SIPA1L1: variants seen among roughly 807,000 people sequenced by gnomAD.
SIPA1L1 encodes signal induced proliferation associated 1 like 1, also known as signal-induced proliferation-associated 1-like protein 1.
A neutral mutation model predicts 162.7 loss-of-function variants in SIPA1L1; 26 were observed. The ratio of observed to expected loss-of-function variants is 0.16; its 90% CI spans 0.12 to 0.22. The LOEUF (loss-of-function observed/expected upper bound fraction) is 0.22, where lower values mean the gene tolerates loss of function less well. Among genes scored for constraint, SIPA1L1 ranks in the 10% least tolerant of loss-of-function variants. The pLI, the probability that SIPA1L1 is intolerant of heterozygous loss-of-function variation, is 1.00. For synonymous variants in SIPA1L1, 829 were observed against 837.4 expected (o/e 0.99, Z 0.17); for missense variants, 1,874 against 2,241.0 (o/e 0.84, Z 3.31).
intron 2 of SIPA1L1, among the ~76,000 whole-genome samples, chr14:71,402,385 G>A (rs1334040603): frequency 7.0e-6 from 1 of 143,672 alleles, no homozygotes; most frequent in Admixed American, 7.2e-5. Flanking sequence ...GTTTCTCTCT[G>A]TCTCCCAGGC....
chr14:71,344,386 C>T (rs192341466), intron 2 of SIPA1L1, among the ~76,000 whole-genome samples: 20 of 152,282 alleles, frequency 1.3e-4, no homozygotes, highest in Middle Eastern at 3.4e-3. Context: ...ATATAGCACC[C>T]TTCCCACAGT....
chr14:71,677,396 G>T (rs1040819751), intron 12 of SIPA1L1, among the ~76,000 whole-genome samples: 18 of 152,202 alleles, frequency 1.2e-4, no homozygotes, highest in African/African-American at 4.3e-4. Flanking sequence ...TGGGTAGATT[G>T]TAAAAATGTT....
chr14:71,613,524 G>C (rs1204107651), intron 5 of SIPA1L1, among the ~76,000 whole-genome samples: 1 of 152,156 alleles, frequency 6.6e-6, no homozygotes, highest in Non-Finnish European at 1.5e-5. Flanking sequence ...TTTAATACCT[G>C]TATTTCAGTT....
intron 22 of SIPA1L1, among the ~76,000 whole-genome samples, chr14:71,737,543 T>C (rs1304720419): frequency 6.6e-6 from 1 of 152,022 alleles, no homozygotes; most frequent in Admixed American, 6.6e-5. Flanking sequence ...GCCGTCTGTC[T>C]AGCTCGCTGG....
chr14:71,470,798 TC>T (rs1251284079), intron 2 of SIPA1L1, among the ~76,000 whole-genome samples: 1 of 152,132 alleles, frequency 6.6e-6, no homozygotes, highest in Admixed American at 6.6e-5. Flanking sequence ...ATGGAAAACT[TC>T]CCAGAGGACT....
At chr14:71,350,025 A>C (rs746112991) in intron 2 of SIPA1L1, among the ~76,000 whole-genome samples, 2 of 152,192 alleles carry the variant, frequency 1.3e-5, no homozygotes, top group Non-Finnish European at 2.9e-5. Context: ...GAGGGCAGGC[A>C]GGTGCTGAGG....
At chr14:71,554,354 G>A (rs905796078) in intron 4 of SIPA1L1, among the ~76,000 whole-genome samples, 13 of 128,742 alleles carry the variant, frequency 1.0e-4, no homozygotes, top group Admixed American at 3.1e-4. Flanking sequence ...CCTTAAAATC[G>A]TGCAACTTAA....
At chr14:71,738,882 C>G in intron 23 of SIPA1L1, 136 bp from the exon 24 acceptor site, 2 of 953,950 alleles carry the variant, frequency 2.1e-6, no homozygotes, top group Non-Finnish European at 3.1e-6. Flanking sequence ...GATACCAGTC[C>G]GTTTAGACAG....
At chr14:71,339,638 A>G (rs775658297) in intron 2 of SIPA1L1, among the ~76,000 whole-genome samples, 11 of 152,238 alleles carry the variant, frequency 7.2e-5, no homozygotes, top group Non-Finnish European at 1.6e-4. Context: ...TGCTGGGATT[A>G]TAGGCGTGAG....
At chr14:71,578,824 TTACCATCAC>T (rs2033500477) in intron 4 of SIPA1L1, among the ~76,000 whole-genome samples, 1 of 152,214 alleles carries the variant, frequency 6.6e-6, no homozygotes, top group Non-Finnish European at 1.5e-5. Context: ...GGGAGCACTT[TTACCATCAC>T]TAGTGGCACT....
At chr14:71,506,712 T>A (rs1567121204) in intron 2 of SIPA1L1, among the ~76,000 whole-genome samples, 2 of 152,180 alleles carry the variant, frequency 1.3e-5, no homozygotes, top group Non-Finnish European at 2.9e-5. Context: ...CTTTAATGTT[T>A]ATTTTTTTGA....
At chr14:71,476,567 AT>A (rs1009025793) in intron 2 of SIPA1L1, among the ~76,000 whole-genome samples, 29 of 152,120 alleles carry the variant, frequency 1.9e-4, no homozygotes, top group African/African-American at 6.8e-4. Context: ...GTCATAAAAT[AT>A]GTTTTTGTAA....
chr14:71,570,674 G>A (rs576510627), intron 4 of SIPA1L1, among the ~76,000 whole-genome samples: 13 of 152,024 alleles, frequency 8.6e-5, no homozygotes, highest in Non-Finnish European at 1.8e-4. Flanking sequence ...CAAAACAGAA[G>A]AAAAGTAAAT....
chr14:71,354,281 CTT>C (rs553737399), intron 2 of SIPA1L1, among the ~76,000 whole-genome samples: 30 of 137,636 alleles, frequency 2.2e-4, no homozygotes, highest in Admixed American at 2.2e-4. Context: ...TCATTTGTTT[CTT>C]TTTTTTTTTT....
intron 8 of SIPA1L1, among the ~76,000 whole-genome samples, chr14:71,655,164 CT>C (rs1044302864): frequency 1.3e-5 from 2 of 152,074 alleles, no homozygotes; most frequent in Non-Finnish European, 2.9e-5. Flanking sequence ...TTGTTTTCAT[CT>C]TTATGTTCAT....
At chr14:71,585,103 G>A (rs1021145347) in intron 4 of SIPA1L1, among the ~76,000 whole-genome samples, 1 of 138,210 alleles carries the variant, frequency 7.2e-6, no homozygotes, top group Non-Finnish European at 1.6e-5. Context: ...AGTTTATATT[G>A]TACCCCAAAG....
intron 2 of SIPA1L1, among the ~76,000 whole-genome samples, chr14:71,331,483 G>C: frequency 6.6e-6 from 1 of 152,236 alleles, no homozygotes; most frequent in Non-Finnish European, 1.5e-5. Flanking sequence ...AATTGGCAAG[G>C]AGCATAGTAA....
intron 4 of SIPA1L1, among the ~76,000 whole-genome samples, chr14:71,547,511 C>G (rs2055348834): frequency 6.6e-6 from 1 of 151,962 alleles, no homozygotes; most frequent in Non-Finnish European, 1.5e-5. Flanking sequence ...CCAGGCTGGT[C>G]TCGAACTCCG....
At chr14:71,585,545 T>A (rs2034483320) in intron 4 of SIPA1L1, among the ~76,000 whole-genome samples, 1 of 152,234 alleles carries the variant, frequency 6.6e-6, no homozygotes, top group African/African-American at 2.4e-5. Flanking sequence ...CAGCTTTTAG[T>A]TTCCTCCTCT....
Sources: allele counts gnomAD v4.1 joint callset (sites outside exome capture counted in the v4.1 genomes callset), GRCh38; gene constraint gnomAD v4.1.1; transcripts MANE v1.5; gene names NCBI Gene and HGNC (gene_info 2026-07-23, HGNC 2026-07-21).